SDR16C5: variants seen among roughly 807,000 people sequenced by gnomAD.
SDR16C5 encodes the protein short chain dehydrogenase/reductase family 16C member 5.
In SDR16C5, 20 loss-of-function variants were observed where a neutral mutation model predicts 27.7. The ratio of observed to expected loss-of-function variants is 0.72; its 90% CI spans 0.51 to 1.05. The LOEUF (loss-of-function observed/expected upper bound fraction) is 1.05. Among genes scored for constraint, SDR16C5 ranks in the 50% least tolerant of loss-of-function variants. SDR16C5 has a pLI of 0.00. For synonymous variants in SDR16C5, 139 were observed against 132.3 expected (o/e 1.05, Z -0.35); for missense variants, 374 against 366.3 (o/e 1.02, Z -0.17).
intron 6 of SDR16C5, chr8:56,303,794 T>C (rs1814817210): frequency 5.2e-6 from 3 of 578,758 alleles, no homozygotes; most frequent in Middle Eastern, 3.4e-4. Context: ...ACCATTGGCA[T>C]TACTATACTA....
chr8:56,302,396 C>T (rs187731204), intron 6 of SDR16C5, among the ~76,000 whole-genome samples: 26 of 152,276 alleles, frequency 1.7e-4, no homozygotes, highest in Admixed American at 3.9e-4. Flanking sequence ...TCTCACCGGC[C>T]GGGCGCAGTG....
intron 3 of SDR16C5, among the ~76,000 whole-genome samples, chr8:56,310,152 A>G (rs1353109945): frequency 0.014 from 317 of 22,202 alleles, no homozygotes; most frequent in African/African-American, 0.025. Flanking sequence ...GAGGAGGAGG[A>G]AGGAGGAGGA....
chr8:56,303,286 G>A (rs1814805181), intron 6 of SDR16C5, among the ~76,000 whole-genome samples: 1 of 148,448 alleles, frequency 6.7e-6, no homozygotes, highest in Non-Finnish European at 1.5e-5. Flanking sequence ...TTGCACTCCA[G>A]CCCGGGTGAT....
chr8:56,313,860 T>C (rs1373613088), intron 2 of SDR16C5, among the ~76,000 whole-genome samples: 2 of 152,158 alleles, frequency 1.3e-5, no homozygotes, highest in East Asian at 1.9e-4. Flanking sequence ...AACGCTGTCA[T>C]ATCACTCTGA....
In SDR16C5 at chr8:56,301,344, T is replaced by C; in HGVS notation, c.*136A>G. ...TTTCAAACACATTGATTGAAAATTC[T>C]AGTCCAGATAACAGAATAGGAGTGG... is the stretch of plus-strand genomic sequence containing the variant. On this transcript the variant is annotated 3_prime_UTR_variant, in exon 7 of 7. Transcript: ENST00000303749. 1 of 573,794 alleles carries C rather than the reference T, an allele frequency of 1.7e-6. No individual in the cohort carries two copies. Among genetic ancestry groups the C allele is most frequent in the Non-Finnish European group, 3.2e-6 (1 of 317,360 alleles). 35.5% of individuals were successfully genotyped at this position (573,794 alleles called of 1,614,324 possible). A position where few individuals can be genotyped will look rare whatever the true frequency, so the allele number is the denominator to read the frequency against.
At chr8:56,319,994 C>G (rs371097158) in intron 1 of SDR16C5, 65 bp downstream of exon 1, 1 of 152,820 alleles carries the variant, frequency 6.5e-6, no homozygotes, top group East Asian at 1.9e-4. Flanking sequence ...CGGCCTCGCC[C>G]GACCCCCGCC....
chr8:56,313,439 A>G (rs972384058), intron 2 of SDR16C5, among the ~76,000 whole-genome samples: 2 of 152,160 alleles, frequency 1.3e-5, no homozygotes, highest in African/African-American at 4.8e-5. Flanking sequence ...TACTTAATAA[A>G]CCTAGATGTG....
At chr8:56,303,596 T>C (rs1485811286) in intron 6 of SDR16C5, among the ~76,000 whole-genome samples, 25 of 152,208 alleles carry the variant, frequency 1.6e-4, no homozygotes, top group Admixed American at 1.6e-3. Flanking sequence ...ACTCTCTGAA[T>C]ATTTGCTGAA....
intron 6 of SDR16C5, among the ~76,000 whole-genome samples, chr8:56,305,059 G>C (rs1814847967): frequency 6.6e-6 from 1 of 152,132 alleles, no homozygotes; most frequent in Non-Finnish European, 1.5e-5. Context: ...AACGTGAGCT[G>C]CTGCTCCCAG....
chr8:56,305,342 C>A (rs1320889653), intron 6 of SDR16C5, among the ~76,000 whole-genome samples: 4 of 152,154 alleles, frequency 2.6e-5, no homozygotes, highest in Non-Finnish European at 5.9e-5. Flanking sequence ...ACATCCACTT[C>A]TTTTTCAGAA....
At chr8:56,305,754 A>T (rs1411816554) in intron 5 of SDR16C5, 32 bp from the exon 6 acceptor site, 2 of 1,563,626 alleles carry the variant, frequency 1.3e-6, no homozygotes, top group East Asian at 4.6e-5. Flanking sequence ...ATTAAAAAAA[A>T]CCCTGAAGGC....
intron 4 of SDR16C5, among the ~76,000 whole-genome samples, chr8:56,307,839 G>GT (rs1370258699): frequency 6.6e-6 from 1 of 152,156 alleles, no homozygotes; most frequent in Non-Finnish European, 1.5e-5. Flanking sequence ...AGACTCACAC[G>GT]GTGGGAAATA....
At chr8:56,317,710 T>C (rs904805139) in intron 1 of SDR16C5, among the ~76,000 whole-genome samples, 2 of 152,206 alleles carry the variant, frequency 1.3e-5, no homozygotes, top group Non-Finnish European at 2.9e-5. Flanking sequence ...CGAGAGTCGA[T>C]GCAACCCAGG....
chr8:56,309,641 A>G (rs1814973873), intron 3 of SDR16C5: 1 of 940,752 alleles, frequency 1.1e-6, no homozygotes, highest in Non-Finnish European at 1.3e-6. Context: ...CATCTTCTGC[A>G]TCAAAGGAGT....
In SDR16C5 at chr8:56,300,571, C is replaced by T. The variant is rs1814725526; in HGVS notation, c.*909G>A. On this transcript the variant is annotated 3_prime_UTR_variant, in exon 7 of 7. Transcript: ENST00000303749. ...TTAAACTGTAAGAATACAATAGATCCAAAGTGAGGGCAGCACTGATGAATA... is the reference window on the plus strand; with the variant it reads ...TTAAACTGTAAGAATACAATAGATCTAAAGTGAGGGCAGCACTGATGAATA... The T allele has an allele frequency of 6.6e-6, 1 of 152,186 alleles. No individual in the cohort carries two copies. The highest frequency in any genetic ancestry group is 1.5e-5 in the Non-Finnish European group (1 of 68,038). The allele number at this position is 152,186 out of a possible 1,614,324, so 9.4% of individuals were successfully genotyped here. A position where few individuals can be genotyped will look rare whatever the true frequency, so the allele number is the denominator to read the frequency against.
At chr8:56,304,630 CCT>C (rs1225163055) in intron 6 of SDR16C5, among the ~76,000 whole-genome samples, 1 of 152,010 alleles carries the variant, frequency 6.6e-6, no homozygotes, top group East Asian at 1.9e-4. Context: ...ACTCTGCCTC[CCT>C]GTTTCAAGCG....
intron 2 of SDR16C5, among the ~76,000 whole-genome samples, chr8:56,314,629 G>C (rs1815141835): frequency 6.6e-6 from 1 of 152,192 alleles, no homozygotes; most frequent in African/African-American, 2.4e-5. Context: ...TTGGAAGAGT[G>C]GGCCCAGCGT....
chr8:56,304,442 T>C (rs574533415), intron 6 of SDR16C5, among the ~76,000 whole-genome samples: 1 of 152,170 alleles, frequency 6.6e-6, no homozygotes, highest in Non-Finnish European at 1.5e-5. Context: ...AGCTCACCAC[T>C]ATCCTTGTAA....
rs1815188984 is a variant in SDR16C5, at chr8:56,316,114, C to T, written c.234G>A (p.Glu78=). The T allele has an allele frequency of 6.2e-7, 1 of 1,614,108 alleles. No individual in the cohort carries two copies. Among genetic ancestry groups the T allele is most frequent in the Non-Finnish European group, 8.5e-7 (1 of 1,179,990 alleles). The part of the protein sequence containing the change: ...VLWDINKEGN[E]ETCKMAREAG... ...CTTCCCGAGCCATCTTACATGTTTCCTCATTCCCCTCCTTATTGATATCCC... is the reference window on the plus strand; with the variant it reads ...CTTCCCGAGCCATCTTACATGTTTCTTCATTCCCCTCCTTATTGATATCCC... The change falls in exon 2 of 7, where the codon GAG becomes GAA. Residue 78 remains glutamate (E), a synonymous_variant. Transcript: ENST00000303749.
Sources: allele counts gnomAD v4.1 joint callset (sites outside exome capture counted in the v4.1 genomes callset), GRCh38; gene constraint gnomAD v4.1.1; transcripts MANE v1.5; gene names NCBI Gene and HGNC (gene_info 2026-07-23, HGNC 2026-07-21).